Variants in ZSCAN5A observed in about 807,000 individuals in gnomAD.
ZSCAN5A encodes zinc finger and SCAN domain containing 5A.
A neutral mutation model predicts 23.7 loss-of-function variants in ZSCAN5A; 12 were observed. That is an observed-to-expected ratio of 0.51 (90% CI 0.32 to 0.82). ZSCAN5A has a LOEUF of 0.82. Among genes scored for constraint, ZSCAN5A ranks in the 40% least tolerant of loss-of-function variants. ZSCAN5A has a pLI of 0.03. For missense variants in ZSCAN5A, 597 were observed against 617.9 expected (o/e 0.97, Z 0.36); for synonymous variants, 257 against 239.9 (o/e 1.07, Z -0.66).
chr19:56,247,165 T>C (rs772999468), intron 2 of ZSCAN5A: 2 of 618,092 alleles, frequency 3.2e-6, no homozygotes, highest in Admixed American at 5.4e-5. Flanking sequence ...CTGTGAGAGG[T>C]GCTTCACGCA....
rs148476723 is a variant in ZSCAN5A, at chr19:56,350,998, C to T, written c.-358+12237G>A. Among the ~76,000 whole-genome samples, 1,457 of 152,122 alleles carry T rather than the reference C, an allele frequency of 9.6e-3. 9 individuals are homozygous for T. The highest frequency in any genetic ancestry group is 0.016 in the Non-Finnish European group (1,082 of 68,004). On this transcript the variant is annotated intron_variant, in intron 2 of 6. Coordinates refer to the ZSCAN5A transcript ENST00000587340. ...GAGAAGGCCCAATTGCTGTCCCCCC[C>T]CAACCACACGCCCCTTTTCAGCAGA...
intron 2 of ZSCAN5A, chr19:56,342,665 T>A (rs1012176967): frequency 1.2e-4 from 67 of 558,458 alleles, no homozygotes; most frequent in Non-Finnish European, 8.7e-5. Flanking sequence ...CTCCTGCCAG[T>A]AGGAGTCCCC....
intron 2 of ZSCAN5A, among the ~76,000 whole-genome samples, chr19:56,257,091 G>T (rs2036754920): frequency 6.6e-6 from 1 of 152,174 alleles, no homozygotes; most frequent in South Asian, 2.1e-4. Context: ...ATCATTTCTA[G>T]CGGGGTTAGA....
intron 2 of ZSCAN5A, among the ~76,000 whole-genome samples, chr19:56,258,964 G>A (rs1367888442): frequency 6.6e-6 from 1 of 152,130 alleles, no homozygotes; most frequent in African/African-American, 2.4e-5. Context: ...GAGAGGACCT[G>A]AGACAGCATG....
At chr19:56,302,038 G>GA in intron 2 of ZSCAN5A, 1 of 1,232,038 alleles carries the variant, frequency 8.1e-7, no homozygotes, top group Non-Finnish European at 1.0e-6. Context: ...GGAACTTCCT[G>GA]AAATGCGCCT....
intron 2 of ZSCAN5A, among the ~76,000 whole-genome samples, chr19:56,298,927 G>GA (rs1391823779): frequency 1.2e-4 from 18 of 152,260 alleles, no homozygotes; most frequent in Middle Eastern, 3.4e-3. Context: ...AATATAGATG[G>GA]AAAATCCTAG....
At position 56,221,432 on chromosome 19, in the gene ZSCAN5A, C is replaced by T; in HGVS notation, c.*143G>A. 4 of 976,278 alleles carry T rather than the reference C, an allele frequency of 4.1e-6. No individual in the cohort carries two copies. The highest frequency in any genetic ancestry group is 6.0e-6 in the Non-Finnish European group (4 of 669,804). 60.5% of individuals were successfully genotyped at this position (976,278 alleles called of 1,614,324 possible). On this transcript the variant is annotated 3_prime_UTR_variant, in exon 6 of 6. Transcript: ENST00000683990. ...GCTCAGTGGGGAGGACACATATTTA[C>T]TCAAACATCCTGGCAATTCATATCT...
intron 2 of ZSCAN5A, among the ~76,000 whole-genome samples, chr19:56,301,249 CTGAATATATGATAAACAAGGGG>C (rs1568722997): frequency 1.3e-5 from 2 of 152,114 alleles, no homozygotes; most frequent in Non-Finnish European, 2.9e-5. Flanking sequence ...TAGTTATTTC[CTGAATATATGATAAACAAGGGG>C]TGGATTATTT....
intron 2 of ZSCAN5A, chr19:56,295,149 G>C (rs2039780319): frequency 6.6e-6 from 1 of 152,208 alleles, no homozygotes; most frequent in Admixed American, 6.5e-5. Flanking sequence ...TTGTACACTT[G>C]ATGGGTGAGT....
chr19:56,301,909 A>G (rs900310680), intron 2 of ZSCAN5A: 3 of 1,231,796 alleles, frequency 2.4e-6, no homozygotes, highest in Non-Finnish European at 3.0e-6. Flanking sequence ...CAGTGACAGG[A>G]AGCTCTAAGG....
intron 2 of ZSCAN5A, among the ~76,000 whole-genome samples, chr19:56,233,419 T>G (rs1047638357): frequency 1.3e-5 from 2 of 152,142 alleles, no homozygotes; most frequent in Non-Finnish European, 2.9e-5. Context: ...AGGACATGCT[T>G]GGCACCTGGA....
chr19:56,336,745 C>T (rs1244971351), intron 2 of ZSCAN5A, among the ~76,000 whole-genome samples: 2 of 152,164 alleles, frequency 1.3e-5, no homozygotes, highest in Admixed American at 6.5e-5. Flanking sequence ...ATGATGGTGA[C>T]GTACAGATGG....
At chr19:56,305,040 C>T (rs990909028) in intron 2 of ZSCAN5A, among the ~76,000 whole-genome samples, 1 of 152,160 alleles carries the variant, frequency 6.6e-6, no homozygotes, top group African/African-American at 2.4e-5. Context: ...TTGTAAATGA[C>T]AGGGATGTGC....
At position 56,225,147 on chromosome 19, in the gene ZSCAN5A, T is replaced by C. The variant is rs1397167785; in HGVS notation, c.-101A>G. The C allele has an allele frequency of 1.3e-6, 2 of 1,487,668 alleles. No individual in the cohort carries two copies. The highest frequency in any genetic ancestry group is 1.8e-6 in the Non-Finnish European group (2 of 1,128,678). The allele number at this position is 1,487,668 out of a possible 1,614,324, so 92.2% of individuals were successfully genotyped here. A position where few individuals can be genotyped will look rare whatever the true frequency, so the allele number is the denominator to read the frequency against. The stretch of plus-strand genomic sequence containing the variant: ...ACAGGCTTCCTCTGGTTTTCCTCAG[T>C]AATAGATTCACTGTTCATTCAGAAG... On this transcript the variant is annotated 5_prime_UTR_variant, in exon 3 of 6. Transcript: ENST00000683990.
At chr19:56,296,831 C>T (rs1437814278) in intron 2 of ZSCAN5A, among the ~76,000 whole-genome samples, 1 of 151,992 alleles carries the variant, frequency 6.6e-6, no homozygotes, top group Non-Finnish European at 1.5e-5. Flanking sequence ...GTCAGAAGTT[C>T]GAGACCAGCC....
intron 1 of ZSCAN5A, chr19:56,367,797 A>G (rs1205810280): frequency 6.6e-6 from 1 of 152,248 alleles, no homozygotes; most frequent in African/African-American, 2.4e-5. Context: ...AAACACCCAC[A>G]GAGATGCATA....
intron 2 of ZSCAN5A, among the ~76,000 whole-genome samples, chr19:56,272,022 T>C (rs1025351830): frequency 7.9e-5 from 12 of 152,226 alleles, no homozygotes; most frequent in Non-Finnish European, 1.2e-4. Context: ...TGTGATATGA[T>C]AGTATCACAT....
intron 2 of ZSCAN5A, among the ~76,000 whole-genome samples, chr19:56,251,148 TAAA>T (rs34825803): frequency 1.1e-4 from 14 of 131,020 alleles, no homozygotes; most frequent in Admixed American, 2.3e-4. Flanking sequence ...AGACTCCGTG[TAAA>T]AAAAAAAAAA....
intron 2 of ZSCAN5A, among the ~76,000 whole-genome samples, chr19:56,286,176 C>A (rs184696185): frequency 2.3e-3 from 353 of 152,142 alleles, no homozygotes; most frequent in African/African-American, 8.2e-3. Flanking sequence ...CGCCCACCAC[C>A]ATGCTCGGCT....
Sources: allele counts gnomAD v4.1 joint callset (sites outside exome capture counted in the v4.1 genomes callset), GRCh38; gene constraint gnomAD v4.1.1; transcripts MANE v1.5; gene names NCBI Gene and HGNC (gene_info 2026-07-23, HGNC 2026-07-21).